EYS: variants seen among roughly 807,000 people sequenced by gnomAD.
The protein encoded by EYS is protein eyes shut homolog.
A neutral mutation model predicts 282.1 loss-of-function variants in EYS; 250 were observed. The observed-to-expected ratio is 0.89, with a 90% CI of 0.80 to 0.98. The LOEUF is 0.98. Ranked by LOEUF, EYS falls within the 50% of genes least tolerant of loss-of-function variation. The pLI is 0.00. For missense variants in EYS, 4,016 were observed against 3,709.0 expected (o/e 1.08, Z -2.15); for synonymous variants, 1,355 against 1,282.9 (o/e 1.06, Z -1.20).
At chr6:64,278,000 A>T (rs1245576179) in intron 30 of EYS, among the ~76,000 whole-genome samples, 1 of 152,198 alleles carries the variant, frequency 6.6e-6, no homozygotes, top group Non-Finnish European at 1.5e-5. Flanking sequence ...GAAAATATTT[A>T]GTAAAGGCCT....
intron 31 of EYS, among the ~76,000 whole-genome samples, chr6:64,151,569 C>T (rs181368565): frequency 0.019 from 2,843 of 151,218 alleles, 79 homozygotes; most frequent in African/African-American, 0.065. Flanking sequence ...ACCATGTTGG[C>T]GAGGATGGTC....
chr6:65,540,623 A>G (rs1396922135), intron 2 of EYS, among the ~76,000 whole-genome samples: 1 of 152,168 alleles, frequency 6.6e-6, no homozygotes, highest in Non-Finnish European at 1.5e-5. Context: ...TTCTTTTAAA[A>G]CTTAGAGAAA....
intron 34 of EYS, among the ~76,000 whole-genome samples, chr6:63,985,130 C>T (rs12529059): frequency 0.18 from 27,714 of 151,382 alleles, 3,257 homozygotes; most frequent in South Asian, 0.28. Context: ...TCCAATAGGA[C>T]GTTTTGGACA....
At chr6:65,613,791 C>T (rs543606517) in intron 2 of EYS, among the ~76,000 whole-genome samples, 1 of 151,956 alleles carries the variant, frequency 6.6e-6, no homozygotes, top group East Asian at 1.9e-4. Context: ...CACACTACCT[C>T]GGTCTTCACA....
intron 28 of EYS, among the ~76,000 whole-genome samples, chr6:64,411,568 T>C (rs1419177850): frequency 1.3e-5 from 2 of 152,056 alleles, no homozygotes; most frequent in East Asian, 3.9e-4. Flanking sequence ...ATAGGCTGAG[T>C]GGCATGGCTC....
chr6:64,936,617 G>A (rs921217767), intron 15 of EYS, among the ~76,000 whole-genome samples: 7 of 151,438 alleles, frequency 4.6e-5, no homozygotes, highest in African/African-American at 1.2e-4. Context: ...AATCAGTGCT[G>A]TCTCTATACA....
intron 26 of EYS, among the ~76,000 whole-genome samples, chr6:64,574,401 G>A (rs1234583424): frequency 6.6e-6 from 1 of 152,120 alleles, no homozygotes; most frequent in Non-Finnish European, 1.5e-5. Flanking sequence ...TTCTGCACCT[G>A]TATCCTAGAA....
chr6:64,890,260 C>G (rs1232692464), intron 18 of EYS, among the ~76,000 whole-genome samples: 2 of 152,068 alleles, frequency 1.3e-5, no homozygotes, highest in African/African-American at 2.4e-5. Flanking sequence ...TAATTTCGTC[C>G]TGGTCCTGTG....
At chr6:64,823,929 A>G (rs1764974594) in intron 19 of EYS, among the ~76,000 whole-genome samples, 1 of 151,964 alleles carries the variant, frequency 6.6e-6, no homozygotes, top group African/African-American at 2.4e-5. Context: ...GTGAATAAAG[A>G]TAAGTAATAA....
chr6:64,411,882 T>C (rs957507058), intron 28 of EYS, among the ~76,000 whole-genome samples: 2 of 151,642 alleles, frequency 1.3e-5, no homozygotes, highest in Non-Finnish European at 2.9e-5. Flanking sequence ...ATGTATGTAA[T>C]ATATACACAT....
At chr6:65,318,604 GTAATA>G (rs919410937) in intron 11 of EYS, among the ~76,000 whole-genome samples, 2 of 146,656 alleles carry the variant, frequency 1.4e-5, no homozygotes, top group South Asian at 2.1e-4. Flanking sequence ...TAATTTATAT[GTAATA>G]TAATATATAT....
At chr6:65,348,357 T>C (rs1348093910) in intron 9 of EYS, among the ~76,000 whole-genome samples, 2 of 151,818 alleles carry the variant, frequency 1.3e-5, no homozygotes, top group East Asian at 1.9e-4. Flanking sequence ...ACCAACAGTG[T>C]ACAAGGGTTC....
At chr6:65,271,128 T>TATATATATATATATATATATA (rs1554174612) in intron 12 of EYS, among the ~76,000 whole-genome samples, 2 of 55,784 alleles carry the variant, frequency 3.6e-5, no homozygotes, top group African/African-American at 5.3e-5. Context: ...AATCAATAGA[T>TATATATATATATATATATATA]TATATATATA....
At chr6:65,454,908 T>C (rs1301579860) in intron 5 of EYS, among the ~76,000 whole-genome samples, 1 of 152,092 alleles carries the variant, frequency 6.6e-6, no homozygotes, top group Non-Finnish European at 1.5e-5. Flanking sequence ...GTTACTTTAG[T>C]TTTGTAGTGT....
intron 12 of EYS, among the ~76,000 whole-genome samples, chr6:65,170,489 T>TG (rs1397548638): frequency 6.6e-6 from 1 of 151,504 alleles, no homozygotes; most frequent in Non-Finnish European, 1.5e-5. Flanking sequence ...TGAGTCTAAG[T>TG]GGTGATCTAA....
intron 33 of EYS, among the ~76,000 whole-genome samples, chr6:64,057,438 T>A (rs1219383625): frequency 6.6e-6 from 1 of 151,850 alleles, no homozygotes; most frequent in Non-Finnish European, 1.5e-5. Flanking sequence ...ACAATGATGC[T>A]CTGTTATTAT....
intron 34 of EYS, among the ~76,000 whole-genome samples, chr6:63,996,533 G>T (rs1269038964): frequency 6.6e-6 from 1 of 151,750 alleles, no homozygotes; most frequent in African/African-American, 2.4e-5. Context: ...AGAACTTAAA[G>T]TAAAAAAACA....
intron 11 of EYS, among the ~76,000 whole-genome samples, chr6:65,323,451 C>T (rs2653998): frequency 1.3e-5 from 2 of 152,146 alleles, no homozygotes; most frequent in East Asian, 1.9e-4. Context: ...TCTTACATCT[C>T]GGTCTTTGAG....
intron 26 of EYS, among the ~76,000 whole-genome samples, chr6:64,575,722 T>C (rs1029064606): frequency 6.6e-6 from 1 of 152,090 alleles, no homozygotes; most frequent in Admixed American, 6.6e-5. Flanking sequence ...GTACATAGTA[T>C]TAAAATTCAG....
Sources: gnomAD v4.1 joint callset for allele counts (sites outside exome capture counted in the v4.1 genomes callset) on GRCh38, gnomAD v4.1.1 for gene constraint, MANE v1.5 for transcripts, NCBI Gene and HGNC (gene_info 2026-07-23, HGNC 2026-07-21) for gene names.